Variants in PLEK2 observed in about 807,000 individuals in gnomAD.
PLEK2 encodes pleckstrin 2, also known as pleckstrin-2.
PLEK2 carries 29 observed loss-of-function variants against 43.8 expected under a neutral mutation model. The observed-to-expected ratio is 0.66, with a 90% CI of 0.49 to 0.90. PLEK2 has a LOEUF of 0.90. PLEK2 is among the 40% of genes least tolerant of loss of function. The pLI is 0.00. For missense variants in PLEK2, 398 were observed against 448.1 expected, an observed-to-expected ratio of 0.89 and a Z score of 1.01; for synonymous variants, 162 against 173.2, an observed-to-expected ratio of 0.94 and a Z score of 0.51.
intron 1 of PLEK2, among the ~76,000 whole-genome samples, chr14:67,401,796 A>G (rs1794634853): frequency 6.6e-6 from 1 of 152,122 alleles, no homozygotes; most frequent in Non-Finnish European, 1.5e-5. Flanking sequence ...GTGATATAAG[A>G]GGAGAAAAAT....
At chr14:67,393,454 G>GTT (rs1373320688) in intron 3 of PLEK2, among the ~76,000 whole-genome samples, 3 of 151,972 alleles carry the variant, frequency 2.0e-5, no homozygotes, top group African/African-American at 7.2e-5. Context: ...TGTTGTTGTT[G>GTT]TTTTTTGTTT....
In PLEK2 at chr14:67,412,141, T is replaced by C. The variant is rs2086120398; in HGVS notation, c.-82A>G. The C allele has an allele frequency of 2.4e-6, 3 of 1,263,844 alleles. No individual in the cohort carries two copies. Among genetic ancestry groups the C allele is most frequent in the African/African-American group, 3.2e-5 (2 of 63,126 alleles). The allele number at this position is 1,263,844 out of a possible 1,614,324, so 78.3% of individuals were successfully genotyped here. ...CTCGGCACCCGCGCAGCCCGCGCAG[T>C]CCGCGCCCACGGCGCCCAGGAAGCA... On this transcript the variant is annotated 5_prime_UTR_variant, in exon 1 of 9. Transcript: ENST00000216446.
intron 7 of PLEK2, among the ~76,000 whole-genome samples, chr14:67,390,429 C>G (rs2085957775): frequency 6.6e-6 from 1 of 152,108 alleles, no homozygotes; most frequent in Non-Finnish European, 1.5e-5. Context: ...ATAAAGATGC[C>G]CTCCCATGGG....
At chr14:67,404,977 T>A (rs1469017700) in intron 1 of PLEK2, among the ~76,000 whole-genome samples, 1 of 152,048 alleles carries the variant, frequency 6.6e-6, no homozygotes, top group Non-Finnish European at 1.5e-5. Flanking sequence ...CTCACACCTG[T>A]AATCCCAGAA....
intron 1 of PLEK2, among the ~76,000 whole-genome samples, chr14:67,398,959 A>C (rs951965262): frequency 3.3e-5 from 5 of 152,208 alleles, no homozygotes; most frequent in African/African-American, 1.2e-4. Context: ...TTTACTTGCC[A>C]ACTTCTATTG....
At chr14:67,409,217 T>C (rs533369676) in intron 1 of PLEK2, among the ~76,000 whole-genome samples, 18 of 152,120 alleles carry the variant, frequency 1.2e-4, no homozygotes, top group Admixed American at 6.6e-4. Flanking sequence ...TACTCCAGCC[T>C]GGGCAACAGA....
chr14:67,393,132 C>A lies in PLEK2; in HGVS notation c.481+18G>T, dbSNP rs758815577. 1.2e-5 allele frequency: 19 copies of A among 1,581,860 alleles called. No individual in the cohort carries two copies. The East Asian group carries it at 4.3e-4, about 35-fold the overall frequency. ...TCCCAGCTTGACTGCCCAGCCCGGC[C>A]CTGGGGGACAGGCTCACCGAGGAAG... is the stretch of plus-strand genomic sequence containing the variant. On this transcript the variant is annotated intron_variant, in intron 4 of 8. Transcript: ENST00000216446.
intron 6 of PLEK2, 55 bp from the exon 7 acceptor site, chr14:67,390,801 C>G: frequency 8.2e-7 from 1 of 1,219,098 alleles, no homozygotes; most frequent in Non-Finnish European, 1.2e-6. Flanking sequence ...GTCCCTCTCT[C>G]CTGTATCTAT....
intron 1 of PLEK2, among the ~76,000 whole-genome samples, chr14:67,409,664 G>T (rs1038285764): frequency 6.6e-6 from 1 of 151,932 alleles, no homozygotes; most frequent in African/African-American, 2.4e-5. Flanking sequence ...CTTCTTTCTC[G>T]TCTGGGTGGG....
chr14:67,391,150 T>C lies in PLEK2; in HGVS notation c.772-404A>G, dbSNP rs577150362. On this transcript the variant is annotated intron_variant, in intron 6 of 8. Coordinates refer to ENST00000216446, the MANE Select transcript of PLEK2 (RefSeq NM_016445.3). ...CCAAAAACAAACCTACAGCTACATG[T>C]ATATTTGTCAGTCTACACGTGTGCC... 3.0e-4 allele frequency among the ~76,000 whole-genome samples: 45 copies of C among 152,220 alleles called. 1 individual carries two copies. The highest frequency in any genetic ancestry group is 2.2e-3 in the Admixed American group (33 of 15,284).
intron 1 of PLEK2, among the ~76,000 whole-genome samples, chr14:67,402,073 G>A (rs1401709598): frequency 2.2e-4 from 34 of 152,158 alleles, no homozygotes; most frequent in Admixed American, 2.2e-3. Flanking sequence ...GGAGTTTGCA[G>A]TGAGCCAAGA....
intron 2 of PLEK2, among the ~76,000 whole-genome samples, chr14:67,397,398 C>T (rs920051552): frequency 3.3e-5 from 5 of 152,202 alleles, no homozygotes; most frequent in African/African-American, 9.7e-5. Context: ...TACACCGTGA[C>T]CTTCATGGTC....
At chr14:67,403,790 G>A (rs187650829) in intron 1 of PLEK2, among the ~76,000 whole-genome samples, 311 of 152,330 alleles carry the variant, frequency 2.0e-3, no homozygotes, top group African/African-American at 7.1e-3. Context: ...AGTGGCTCAC[G>A]CCTATAATCC....
chr14:67,396,886 C>T (rs1333659504), intron 2 of PLEK2, among the ~76,000 whole-genome samples: 1 of 152,152 alleles, frequency 6.6e-6, no homozygotes, highest in African/African-American at 2.4e-5. Context: ...TTGATTCCTC[C>T]ATGCCTTGCA....
At chr14:67,409,318 G>A in intron 1 of PLEK2, among the ~76,000 whole-genome samples, 1 of 151,370 alleles carries the variant, frequency 6.6e-6, no homozygotes, top group Non-Finnish European at 1.5e-5. Flanking sequence ...CCAAGGCCAG[G>A]GGATCACTTG....
intron 1 of PLEK2, among the ~76,000 whole-genome samples, chr14:67,399,471 G>T (rs1178629568): frequency 6.8e-6 from 1 of 147,408 alleles, no homozygotes; most frequent in Non-Finnish European, 1.5e-5. Context: ...AAAGAGAAGG[G>T]TAGTTTAGGT....
At chr14:67,409,727 G>A (rs913036919) in intron 1 of PLEK2, among the ~76,000 whole-genome samples, 1 of 152,102 alleles carries the variant, frequency 6.6e-6, no homozygotes, top group African/African-American at 2.4e-5. Context: ...CGCTTTCACC[G>A]GTGATGACTG....
At chr14:67,403,620 A>G (rs2086061846) in intron 1 of PLEK2, among the ~76,000 whole-genome samples, 1 of 152,266 alleles carries the variant, frequency 6.6e-6, no homozygotes, top group Non-Finnish European at 1.5e-5. Context: ...AGCAAAGGAG[A>G]GAAGTCTGAG....
intron 1 of PLEK2, among the ~76,000 whole-genome samples, chr14:67,402,231 T>C (rs887227030): frequency 2.6e-5 from 4 of 152,254 alleles, no homozygotes; most frequent in African/African-American, 9.6e-5. Context: ...AGGAAGTTTC[T>C]GTCAATTCCA....
Sources: gnomAD v4.1 joint callset for allele counts (sites outside exome capture counted in the v4.1 genomes callset) on GRCh38, gnomAD v4.1.1 for gene constraint, MANE v1.5 for transcripts, NCBI Gene and HGNC (gene_info 2026-07-23, HGNC 2026-07-21) for gene names.